The following TIMP2 variants were observed in gnomAD, a reference collection of about 807,000 sequenced individuals.
TIMP2 encodes TIMP metallopeptidase inhibitor 2.
In TIMP2, 5 loss-of-function variants were observed where a neutral mutation model predicts 24.3. That is an observed-to-expected ratio of 0.21 (90% CI 0.11 to 0.43). TIMP2 has a LOEUF of 0.43. TIMP2 is among the 20% of genes least tolerant of loss of function. The probability of loss-of-function intolerance (pLI) is 1.00; values close to 1 mark genes in which losing one functional copy is unlikely to be tolerated. For synonymous variants in TIMP2, 130 were observed against 123.2 expected, an observed-to-expected ratio of 1.06 and a Z score of -0.37; for missense variants, 221 against 297.5, an observed-to-expected ratio of 0.74 and a Z score of 1.89.
Position 78,853,877 on chromosome 17 carries a change from G to A in TIMP2, c.*1790C>T, listed in dbSNP as rs1165722999. On this transcript the variant is annotated 3_prime_UTR_variant, in exon 5 of 5. Transcript: ENST00000262768. ...GGGGTGGGGTGTTATATGGGTTGGA[G>A]GGGTCTGGTGGAGTTGTATATACTG... 6.6e-6 allele frequency: 1 copy of A among 152,482 alleles called. No homozygotes were observed. Among genetic ancestry groups the A allele is most frequent in the Non-Finnish European group, 1.5e-5 (1 of 68,054 alleles). The allele number at this position is 152,482 out of a possible 1,614,324, so 9.4% of individuals were successfully genotyped here.
chr17:78,869,050 G>A (rs1217256868), intron 3 of TIMP2, among the ~76,000 whole-genome samples: 1 of 152,204 alleles, frequency 6.6e-6, no homozygotes, highest in Non-Finnish European at 1.5e-5. Flanking sequence ...ATCCTGTCCT[G>A]GCCTCCTGTG....
rs1402916912 is a variant in TIMP2, at chr17:78,854,921, CGGGGGGGGGGGGGT to C, written c.*732_*745del. 4 of 39,090 alleles carry C rather than the reference CGGGGGGGGGGGGGT, an allele frequency of 1.0e-4. No homozygotes were observed. The highest frequency in any genetic ancestry group is 2.9e-4 in the African/African-American group (3 of 10,256). 2.4% of individuals were successfully genotyped at this position (39,090 alleles called of 1,614,324 possible). A position where few individuals can be genotyped will look rare whatever the true frequency, so the allele number is the denominator to read the frequency against. On this transcript the variant is annotated 3_prime_UTR_variant, in exon 5 of 5. Coordinates refer to ENST00000262768, the MANE Select transcript of TIMP2 (RefSeq NM_003255.5). Reference sequence around the variant, plus strand: ...TCCTGCAAGCTGGGGAGCATGTGGGCGGGGGGGGGGGGGTGGGGGGGTGGGTGCAGACCAAAAAG... The same window carrying C: ...TCCTGCAAGCTGGGGAGCATGTGGGCGGGGGGGTGGGTGCAGACCAAAAAG...
intron 1 of TIMP2, among the ~76,000 whole-genome samples, chr17:78,914,155 G>A (rs1182497209): frequency 6.6e-6 from 1 of 152,146 alleles, no homozygotes; most frequent in Non-Finnish European, 1.5e-5. Flanking sequence ...GCTGGGGCCT[G>A]CCTGACTTCC....
At chr17:78,911,895 A>C (rs1568007612) in intron 1 of TIMP2, among the ~76,000 whole-genome samples, 1 of 50,964 alleles carries the variant, frequency 2.0e-5, no homozygotes, top group African/African-American at 1.0e-4. Flanking sequence ...AAAACACACC[A>C]AAAAAAAAAA....
chr17:78,887,714 A>C (rs2145765015), intron 1 of TIMP2, among the ~76,000 whole-genome samples: 1 of 149,980 alleles, frequency 6.7e-6, no homozygotes, highest in South Asian at 2.1e-4. Flanking sequence ...ATTTTATAAG[A>C]GCAGGTCAAT....
At chr17:78,874,129 C>T (rs992096426) in intron 1 of TIMP2, 7 of 527,436 alleles carry the variant, frequency 1.3e-5, no homozygotes, top group Middle Eastern at 4.9e-4. Context: ...TCCTCCTCCT[C>T]CTTCCACGAT....
intron 1 of TIMP2, among the ~76,000 whole-genome samples, chr17:78,877,876 T>G (rs2069742605): frequency 6.6e-6 from 1 of 151,956 alleles, no homozygotes; most frequent in South Asian, 2.1e-4. Flanking sequence ...GCTAATTTTT[T>G]GTATTTATTT....
chr17:78,915,623 G>A (rs1399391404), intron 1 of TIMP2, among the ~76,000 whole-genome samples: 2 of 151,870 alleles, frequency 1.3e-5, no homozygotes, highest in East Asian at 1.9e-4. Context: ...AGGTTCAAGC[G>A]ATTCTCATGC....
At chr17:78,893,000 G>C (rs2069925569) in intron 1 of TIMP2, among the ~76,000 whole-genome samples, 1 of 152,170 alleles carries the variant, frequency 6.6e-6, no homozygotes, top group Non-Finnish European at 1.5e-5. Flanking sequence ...TCTGGAGGGA[G>C]AATTGATCGT....
At chr17:78,861,864 A>G (rs1032029535) in intron 3 of TIMP2, among the ~76,000 whole-genome samples, 1 of 152,068 alleles carries the variant, frequency 6.6e-6, no homozygotes, top group Admixed American at 6.6e-5. Flanking sequence ...CAGCCAAAAA[A>G]TTGTATCTTT....
Position 78,924,999 on chromosome 17 carries a change from G to A in TIMP2, c.90C>T (p.Ser30=), listed in dbSNP as rs769452105. 8.5e-6 allele frequency: 11 copies of A among 1,301,590 alleles called. No homozygotes were observed. Among genetic ancestry groups the A allele is most frequent in the Middle Eastern group, 5.7e-4 (2 of 3,516 alleles). The allele number at this position is 1,301,590 out of a possible 1,614,324, so 80.6% of individuals were successfully genotyped here. A position where few individuals can be genotyped will look rare whatever the true frequency, so the allele number is the denominator to read the frequency against. The change falls in exon 1 of 5, where the codon TCC becomes TCT. Residue 30 remains serine (S), a synonymous_variant. Transcript: ENST00000262768. The surrounding 1 kb of genome is among the most constrained non-coding windows in gnomAD (Gnocchi z 5.3). ...AAAACGCCTGTTGCGGGTGCACCGG[G>A]GAGCAGCTGCAGGCGTCGGCCGGGC... The part of the protein sequence containing the change: ...LLRPADACSC[S]PVHPQQAFCN...
intron 1 of TIMP2, chr17:78,890,728 C>G (rs1224944830): frequency 1.9e-6 from 3 of 1,550,558 alleles, no homozygotes; most frequent in Non-Finnish European, 2.6e-6. Context: ...TCTGCTGCTG[C>G]TGGTCTCGGA....
chr17:78,861,068 CTT>C (rs944419970), intron 3 of TIMP2, among the ~76,000 whole-genome samples: 12 of 150,872 alleles, frequency 8.0e-5, no homozygotes, highest in Non-Finnish European at 1.5e-4. Flanking sequence ...AGATATATAA[CTT>C]TCCCCACTAG....
intron 3 of TIMP2, among the ~76,000 whole-genome samples, chr17:78,869,986 TG>T (rs56034024): frequency 1 from 152,219 of 152,220 alleles, 76,109 homozygotes; most frequent in Non-Finnish European, 1. Flanking sequence ...AAAATGGAGG[TG>T]GGCCAAGGCT....
rs548027692 is a variant in TIMP2, at chr17:78,893,244, T to C, written c.131-19325A>G. ...GCAGGGGTGTGTGTGCATGTGTGTG[T>C]AGGAGTGTGTGTGCAGGGGTGTGTG... On this transcript the variant is annotated intron_variant, in intron 1 of 4. Coordinates refer to ENST00000262768, the MANE Select transcript of TIMP2 (RefSeq NM_003255.5). Among the ~76,000 whole-genome samples the C allele has an allele frequency of 1.6e-3, 224 of 140,312 alleles. 1 individual carries two copies. Among genetic ancestry groups the C allele is most frequent in the African/African-American group, 5.9e-3 (211 of 35,808 alleles). 92.1% of individuals were successfully genotyped at this position (140,312 alleles called of 152,430 possible). A position where few individuals can be genotyped will look rare whatever the true frequency, so the allele number is the denominator to read the frequency against.
At chr17:78,864,030 G>A (rs756742789) in intron 3 of TIMP2, among the ~76,000 whole-genome samples, 6 of 152,056 alleles carry the variant, frequency 3.9e-5, no homozygotes, top group Non-Finnish European at 5.9e-5. Flanking sequence ...GCCTTCACTC[G>A]GGCATCTCAT....
intron 2 of TIMP2, among the ~76,000 whole-genome samples, chr17:78,871,482 G>C (rs1349567780): frequency 1.4e-5 from 2 of 140,358 alleles, no homozygotes; most frequent in Non-Finnish European, 3.1e-5. Flanking sequence ...AAAAGAAAAA[G>C]ACTTCTTATA....
intron 3 of TIMP2, among the ~76,000 whole-genome samples, chr17:78,869,746 C>T (rs1436148786): frequency 3.3e-5 from 5 of 151,998 alleles, no homozygotes; most frequent in African/African-American, 1.2e-4. Context: ...ACCTGGGAAG[C>T]GGAGGTTGCA....
chr17:78,858,872 G>A (rs1277507780), intron 3 of TIMP2, among the ~76,000 whole-genome samples: 2 of 152,064 alleles, frequency 1.3e-5, no homozygotes, highest in Non-Finnish European at 2.9e-5. Flanking sequence ...GGATAGAGAC[G>A]ATGTTTCACC....
Sources: allele counts gnomAD v4.1 joint callset (sites outside exome capture counted in the v4.1 genomes callset), GRCh38; gene constraint gnomAD v4.1.1; non-coding constraint Gnocchi (gnomAD v3.1); transcripts MANE v1.5; gene names NCBI Gene and HGNC (gene_info 2026-07-23, HGNC 2026-07-21).